Variants in TIPARP observed in about 807,000 individuals in gnomAD.
TIPARP encodes the protein protein mono-ADP-ribosyltransferase TIPARP.
A neutral mutation model predicts 56.5 loss-of-function variants in TIPARP; 12 were observed. The observed-to-expected ratio is 0.21, with a 90% CI of 0.14 to 0.34. The LOEUF is 0.34. Among genes scored for constraint, TIPARP ranks in the 10% least tolerant of loss-of-function variants. TIPARP has a pLI of 1.00. For missense variants in TIPARP, 604 were observed against 781.6 expected, an observed-to-expected ratio of 0.77 and a Z score of 2.71; for synonymous variants, 296 against 265.7, an observed-to-expected ratio of 1.11 and a Z score of -1.11.
intron 4 of TIPARP, among the ~76,000 whole-genome samples, chr3:156,699,339 T>C (rs1324345012): frequency 6.6e-6 from 1 of 152,238 alleles, no homozygotes; most frequent in Non-Finnish European, 1.5e-5. Flanking sequence ...GGTCAATTAA[T>C]GTGGCAAATT....
At chr3:156,699,386 C>T (rs1722792344) in intron 4 of TIPARP, among the ~76,000 whole-genome samples, 2 of 152,206 alleles carry the variant, frequency 1.3e-5, no homozygotes, top group African/African-American at 2.4e-5. Flanking sequence ...ACTGCCACCT[C>T]AACCTTCAGC....
At position 156,677,744 on chromosome 3, in the gene TIPARP, C is replaced by T; in HGVS notation, c.47C>T (p.Pro16Leu). The change falls in exon 2 of 6, where the codon CCT (proline) becomes CTT (leucine). Residue 16 changes from proline (P) to leucine (L), a missense_variant. Coordinates refer to ENST00000295924, the MANE Select transcript of TIPARP (RefSeq NM_015508.5). ...CCTGAGCCAGACTGTGTAGTGCAGC[C>T]TCCCTCTCCTCCTGATGACTTTTCA... ...TEPEPDCVVQPPSPPDDFSCQ... is the reference protein window; with the variant it reads ...TEPEPDCVVQLPSPPDDFSCQ... 3 of 1,613,230 alleles carry T rather than the reference C, an allele frequency of 1.9e-6. No homozygotes were observed. The highest frequency in any genetic ancestry group is 2.5e-6 in the Non-Finnish European group (3 of 1,179,726).
Position 156,693,370 on chromosome 3 carries a change from C to T in TIPARP, c.918-650C>T, listed in dbSNP as rs148832718. Among the ~76,000 whole-genome samples the T allele has an allele frequency of 2.4e-3, 368 of 152,270 alleles. 1 individual carries two copies. The highest frequency in any genetic ancestry group is 8.4e-3 in the African/African-American group (348 of 41,558). On this transcript the variant is annotated intron_variant, in intron 2 of 5. Coordinates refer to ENST00000295924, the MANE Select transcript of TIPARP (RefSeq NM_015508.5). ...AGACATTTGTAAAGGAATGATTCAG[C>T]AGCAGTCGACCAGATAATAAGATGA...
chr3:156,702,871 T>C lies in TIPARP; in HGVS notation c.1248-553T>C, dbSNP rs546576746. Among the ~76,000 whole-genome samples, 6 of 152,356 alleles carry C rather than the reference T, an allele frequency of 3.9e-5. 1 individual carries two copies. In the East Asian group the frequency reaches 1.2e-3, roughly 29 times the overall value. On this transcript the variant is annotated intron_variant, in intron 4 of 5. Transcript: ENST00000295924. ...AATAGTATTGGTGGTTTTGTTTCTA[T>C]GTGTGATCTTAGAAAACGAAGCAAA...
intron 4 of TIPARP, among the ~76,000 whole-genome samples, chr3:156,696,671 C>T (rs1722721563): frequency 6.6e-6 from 1 of 152,200 alleles, no homozygotes; most frequent in Non-Finnish European, 1.5e-5. Flanking sequence ...CTCCAGACAA[C>T]CCAGTGGCAC....
chr3:156,678,759 T>A (rs996144441), intron 2 of TIPARP, 145 bp downstream of exon 2: 3 of 681,868 alleles, frequency 4.4e-6, no homozygotes, highest in Non-Finnish European at 7.1e-6. Flanking sequence ...CTGTCCTGAT[T>A]TTTCATGGTG....
At chr3:156,698,827 G>A (rs2108496741) in intron 4 of TIPARP, among the ~76,000 whole-genome samples, 1 of 152,304 alleles carries the variant, frequency 6.6e-6, no homozygotes, top group Middle Eastern at 3.4e-3. Context: ...ATGGATCTGG[G>A]CAAAGTAAAT....
chr3:156,690,236 CT>C (rs1313400955), intron 2 of TIPARP, among the ~76,000 whole-genome samples: 2 of 152,088 alleles, frequency 1.3e-5, no homozygotes, highest in Non-Finnish European at 2.9e-5. Context: ...CATTTAGCAT[CT>C]TTTTCTTTTT....
chr3:156,689,564 A>T (rs1363693197), intron 2 of TIPARP, among the ~76,000 whole-genome samples: 1 of 152,198 alleles, frequency 6.6e-6, no homozygotes, highest in African/African-American at 2.4e-5. Flanking sequence ...GCAAGTCTGG[A>T]CTTTGTTGTA....
chr3:156,676,332 A>G (rs963423526), intron 1 of TIPARP, among the ~76,000 whole-genome samples: 4 of 152,182 alleles, frequency 2.6e-5, no homozygotes, highest in Non-Finnish European at 5.9e-5. Flanking sequence ...ATACTTCGTT[A>G]TAAACTGCTT....
chr3:156,701,042 A>C (rs931683872), intron 4 of TIPARP, among the ~76,000 whole-genome samples: 17 of 152,184 alleles, frequency 1.1e-4, no homozygotes, highest in Non-Finnish European at 2.9e-5. Flanking sequence ...TGGCTATTAG[A>C]GTGTTGAAGC....
chr3:156,697,861 A>G (rs768110301), intron 4 of TIPARP, among the ~76,000 whole-genome samples: 2 of 152,176 alleles, frequency 1.3e-5, no homozygotes, highest in Non-Finnish European at 2.9e-5. Flanking sequence ...GCCAGAAATG[A>G]TTAAGCTTAG....
At chr3:156,692,881 T>G (rs1430875093) in intron 2 of TIPARP, among the ~76,000 whole-genome samples, 2 of 152,148 alleles carry the variant, frequency 1.3e-5, no homozygotes, top group African/African-American at 4.8e-5. Context: ...GTTTCACTCT[T>G]TTTGCCTAGG....
At chr3:156,694,500 G>A (rs940556849) in intron 3 of TIPARP, among the ~76,000 whole-genome samples, 1 of 152,130 alleles carries the variant, frequency 6.6e-6, no homozygotes, top group Non-Finnish European at 1.5e-5. Context: ...TAATTTTCAC[G>A]ACATGAGAAT....
intron 4 of TIPARP, among the ~76,000 whole-genome samples, chr3:156,702,017 TGCGGTG>T (rs1263102342): frequency 1.9e-5 from 2 of 105,872 alleles, no homozygotes; most frequent in Non-Finnish European, 3.7e-5. Flanking sequence ...TTGATGATAA[TGCGGTG>T]GTGGTGGTGG....
At position 156,694,015 on chromosome 3, in the gene TIPARP, T is replaced by C. The variant is rs201812887; in HGVS notation, c.918-5T>C. ...TGGGTTTTTTTTGTTTTTGTTTTTT[T>C]TTAGAGGACAAGAATTTTGGGCAGA... On this transcript the variant is annotated splice_polypyrimidine_tract_variant and splice_region_variant and intron_variant, in intron 2 of 5. Transcript: ENST00000295924. The C allele has an allele frequency of 1.6e-4, 254 of 1,575,762 alleles. No homozygotes were observed. The African/African-American group carries it at 3.0e-3, about 19-fold the overall frequency.
intron 2 of TIPARP, 132 bp from the exon 3 acceptor site, chr3:156,693,888 T>C (rs980294010): frequency 9.5e-7 from 1 of 1,056,056 alleles, no homozygotes; most frequent in Non-Finnish European, 1.3e-6. Context: ...TTACTCCAAG[T>C]AAAGCAAGTT....
At position 156,705,248 on chromosome 3, in the gene TIPARP, AC is replaced by A. The variant is rs1371467111; in HGVS notation, c.*120del. On this transcript the variant is annotated 3_prime_UTR_variant, in exon 6 of 6. Coordinates refer to ENST00000295924, the MANE Select transcript of TIPARP (RefSeq NM_015508.5). ...TGGACATTAATAGGGCACTTTTCAG[AC>A]CCATTTTTTAAAGTGCTAGAAAATG... The A allele has an allele frequency of 1.4e-6, 1 of 703,816 alleles. No homozygotes were observed. The allele number at this position is 703,816 out of a possible 1,614,324, so 43.6% of individuals were successfully genotyped here.
chr3:156,693,916 GGCTAT>G, intron 2 of TIPARP, 99 bp from the exon 3 acceptor site: 1 of 1,267,116 alleles, frequency 7.9e-7, no homozygotes, highest in South Asian at 1.7e-5. Context: ...TTCTACAACA[GGCTAT>G]GCTATGTATT....
Sources: allele counts gnomAD v4.1 joint callset (sites outside exome capture counted in the v4.1 genomes callset), GRCh38; gene constraint gnomAD v4.1.1; transcripts MANE v1.5; gene names NCBI Gene and HGNC (gene_info 2026-07-23, HGNC 2026-07-21).